The following UBXN7 variants were observed in gnomAD, a reference collection of about 807,000 sequenced individuals.
UBXN7 encodes UBX domain-containing protein 7.
Under a neutral mutation model 58.0 loss-of-function variants are expected in UBXN7, and 9 were observed. The observed-to-expected ratio is 0.16, with a 90% confidence interval of 0.09 to 0.27. The LOEUF (loss-of-function observed/expected upper bound fraction) is 0.27. Ranked by LOEUF, UBXN7 falls within the 10% of genes least tolerant of loss-of-function variation. UBXN7 has a pLI of 1.00. For missense variants in UBXN7, 328 were observed against 599.6 expected (o/e 0.55, Z 4.73); for synonymous variants, 208 against 205.0 (o/e 1.01, Z -0.12).
intron 2 of UBXN7, among the ~76,000 whole-genome samples, chr3:196,405,009 T>A (rs1232826725): frequency 6.6e-6 from 1 of 151,846 alleles, no homozygotes; most frequent in Non-Finnish European, 1.5e-5. Context: ...CAAAAATTAG[T>A]CAAGTGTGGT....
At chr3:196,363,251 A>C (rs73088706) in intron 8 of UBXN7, among the ~76,000 whole-genome samples, 2,713 of 40,208 alleles carry the variant, frequency 0.067, 97 homozygotes, top group East Asian at 0.49. Context: ...TACATACATA[A>C]ATATATATAT....
intron 1 of UBXN7, among the ~76,000 whole-genome samples, chr3:196,425,074 T>C (rs939722930): frequency 2.0e-5 from 3 of 152,192 alleles, no homozygotes; most frequent in Non-Finnish European, 4.4e-5. Context: ...AATATTCATC[T>C]GCTTCAACAG....
At position 196,432,102 on chromosome 3, in the gene UBXN7, C is replaced by T. The variant is rs142809568; in HGVS notation, c.73+225G>A. On this transcript the variant is annotated intron_variant, in intron 1 of 10. Transcript: ENST00000296328. ...GGCGGGGGGTTGGGGGATCTCCCTC[C>T]ACGCTACTAGGAGACAGAGAACGAG... The T allele has an allele frequency of 2.1e-3, 1,412 of 660,614 alleles. 14 individuals carry two copies. The highest frequency in any genetic ancestry group is 0.02 in the African/African-American group (1,104 of 56,032). The allele number at this position is 660,614 out of a possible 1,614,324, so 40.9% of individuals were successfully genotyped here.
At chr3:196,427,674 T>C (rs1206329445) in intron 1 of UBXN7, among the ~76,000 whole-genome samples, 2 of 152,228 alleles carry the variant, frequency 1.3e-5, no homozygotes, top group African/African-American at 4.8e-5. Context: ...ATATTTTTCC[T>C]TCATGTTTTG....
rs930583603 is a variant in UBXN7 at position 196,377,306 on chromosome 3, T to G, written c.469-5264A>C. On this transcript the variant is annotated intron_variant, in intron 5 of 10. Coordinates refer to ENST00000296328, the MANE Select transcript of UBXN7 (RefSeq NM_015562.2). ...GCTCTGCTCACTCAGCTGGTCTTCT[T>G]GACGGTACCAGCTCTTTCCAACATC... Among the ~76,000 whole-genome samples, 6 of 152,300 alleles carry G rather than the reference T, an allele frequency of 3.9e-5. No homozygotes were observed. In the East Asian group the frequency reaches 1.2e-3, roughly 29 times the overall value.
intron 1 of UBXN7, among the ~76,000 whole-genome samples, chr3:196,421,262 G>A (rs985470583): frequency 2.6e-5 from 4 of 152,250 alleles, no homozygotes; most frequent in Middle Eastern, 3.4e-3. Context: ...AAATGCATGC[G>A]CCCAGGAGCC....
At chr3:196,376,476 G>A (rs1729024152) in intron 5 of UBXN7, among the ~76,000 whole-genome samples, 2 of 149,334 alleles carry the variant, frequency 1.3e-5, no homozygotes, top group Non-Finnish European at 3.0e-5. Context: ...AACCCAGGAG[G>A]CGGAGGTTGC....
intron 1 of UBXN7, among the ~76,000 whole-genome samples, chr3:196,419,210 T>C (rs1241910900): frequency 1.3e-5 from 2 of 152,032 alleles, no homozygotes; most frequent in East Asian, 3.9e-4. Flanking sequence ...CCAGAAGGCG[T>C]AGGTTGCAGT....
chr3:196,391,680 G>T, intron 5 of UBXN7, 133 bp downstream of exon 5: 1 of 600,980 alleles, frequency 1.7e-6, no homozygotes, highest in Non-Finnish European at 2.8e-6. Context: ...GCTGCAGTGA[G>T]CTATGATTGT....
chr3:196,361,356 A>G (rs184916932), intron 10 of UBXN7, among the ~76,000 whole-genome samples: 2 of 152,350 alleles, frequency 1.3e-5, no homozygotes, highest in East Asian at 1.9e-4. Flanking sequence ...TGCTTTTAAC[A>G]CTGTTGAAAT....
In UBXN7 at chr3:196,399,312, AT is replaced by A. The variant is rs375953596; in HGVS notation, c.289+3639del. ...AAAACTGCTTTTAAATTAATTTATT[AT>A]TTTTTTTTGAGTTGGGGTCTCAATA... On this transcript the variant is annotated intron_variant, in intron 3 of 10. Coordinates refer to ENST00000296328, the MANE Select transcript of UBXN7 (RefSeq NM_015562.2). Among the ~76,000 whole-genome samples the A allele has an allele frequency of 3.7e-3, 552 of 150,942 alleles. 20 individuals carry two copies. The South Asian group carries it at 0.075, about 21-fold the overall frequency.
intron 5 of UBXN7, among the ~76,000 whole-genome samples, chr3:196,386,736 T>C (rs994811146): frequency 3.3e-5 from 5 of 152,162 alleles, no homozygotes; most frequent in African/African-American, 1.2e-4. Flanking sequence ...TGGAAGAACA[T>C]TCCATGCTCA....
At chr3:196,404,827 A>G (rs761105851) in intron 2 of UBXN7, among the ~76,000 whole-genome samples, 7 of 152,168 alleles carry the variant, frequency 4.6e-5, no homozygotes, top group African/African-American at 9.7e-5. Flanking sequence ...CGACACATCT[A>G]TAAGAGTAAG....
chr3:196,413,104 G>A (rs1192342694), intron 1 of UBXN7, among the ~76,000 whole-genome samples: 1 of 152,136 alleles, frequency 6.6e-6, no homozygotes, highest in Non-Finnish European at 1.5e-5. Flanking sequence ...ACTTTGGGAG[G>A]CCGACGTGGG....
Position 196,355,156 on chromosome 3 carries a change from T to C in UBXN7, c.*1529A>G, listed in dbSNP as rs567054093. 3 of 152,274 alleles carry C rather than the reference T, an allele frequency of 2.0e-5. No homozygotes were observed. Among genetic ancestry groups the C allele is most frequent in the African/African-American group, 7.2e-5 (3 of 41,554 alleles). The allele number at this position is 152,274 out of a possible 1,614,324, so 9.4% of individuals were successfully genotyped here. On this transcript the variant is annotated 3_prime_UTR_variant, in exon 11 of 11. Transcript: ENST00000296328. ...AACCTAAAGGTCTCTACGCAACATC[T>C]GAGGAACATACGCTCCTCAGATAAA...
chr3:196,410,346 C>T (rs189033366), intron 1 of UBXN7, among the ~76,000 whole-genome samples: 26 of 152,290 alleles, frequency 1.7e-4, no homozygotes, highest in African/African-American at 5.1e-4. Context: ...AATGGAAGTG[C>T]TAACTCTACT....
At chr3:196,409,280 T>C (rs1202444195) in intron 1 of UBXN7, among the ~76,000 whole-genome samples, 1 of 152,084 alleles carries the variant, frequency 6.6e-6, no homozygotes, top group Non-Finnish European at 1.5e-5. Context: ...GTTTTGGAGA[T>C]CCTTAATTCC....
At chr3:196,426,542 G>C (rs1458364947) in intron 1 of UBXN7, among the ~76,000 whole-genome samples, 2 of 151,938 alleles carry the variant, frequency 1.3e-5, no homozygotes, top group East Asian at 3.9e-4. Flanking sequence ...GAAAGGAAAT[G>C]TTCTGTACAA....
intron 10 of UBXN7, among the ~76,000 whole-genome samples, chr3:196,360,134 GGAAA>G (rs1426211324): frequency 1.3e-5 from 2 of 152,180 alleles, no homozygotes; most frequent in African/African-American, 4.8e-5. Flanking sequence ...TGAGGTTGAA[GGAAA>G]GAAGCCATCT....
Sources: allele counts gnomAD v4.1 joint callset (sites outside exome capture counted in the v4.1 genomes callset), GRCh38; gene constraint gnomAD v4.1.1; transcripts MANE v1.5; gene names NCBI Gene and HGNC (gene_info 2026-07-23, HGNC 2026-07-21).